Variants in PCCA observed in about 807,000 individuals in gnomAD.
The protein encoded by PCCA is propionyl-CoA carboxylase alpha chain, mitochondrial.
A neutral mutation model predicts 101.3 loss-of-function variants in PCCA; 74 were observed. That is an observed-to-expected ratio of 0.73 (90% CI 0.61 to 0.89). PCCA has a LOEUF of 0.89. PCCA is among the 40% of genes least tolerant of loss of function. The pLI, the probability that PCCA is intolerant of heterozygous loss-of-function variation, is 0.00. For synonymous variants in PCCA, 294 were observed against 313.6 expected (o/e 0.94, Z 0.66); for missense variants, 891 against 907.0 (o/e 0.98, Z 0.23).
chr13:100,396,321 T>G (rs1051449456), intron 19 of PCCA, among the ~76,000 whole-genome samples: 1 of 152,228 alleles, frequency 6.6e-6, no homozygotes, highest in Non-Finnish European at 1.5e-5. Flanking sequence ...TTTCCTTATC[T>G]GTAGAATAGG....
In PCCA at chr13:100,363,360, C is replaced by CT. The variant is rs796605594; in HGVS notation, c.1644-5102dup. 1.8e-3 allele frequency among the ~76,000 whole-genome samples: 264 copies of CT among 148,752 alleles called. 1 individual carries two copies. The highest frequency in any genetic ancestry group is 3.6e-3 in the Admixed American group (54 of 14,820). The stretch of plus-strand genomic sequence containing the variant: ...CCATCTGTCTAAACATCTCTCTCTC[C>CT]TTTTTTTTTTCTGATCATTTCCTCG... On this transcript the variant is annotated intron_variant, in intron 18 of 23. Coordinates refer to ENST00000376285, the MANE Select transcript of PCCA (RefSeq NM_000282.4).
chr13:100,141,248 T>C (rs550059516), intron 4 of PCCA, among the ~76,000 whole-genome samples: 1 of 152,230 alleles, frequency 6.6e-6, no homozygotes, highest in African/African-American at 2.4e-5. Flanking sequence ...CTCACAGATT[T>C]CTATACTGGC....
rs36098330 is a variant in PCCA, at chr13:100,292,934, C to CGTGTGTGTGTGTGTGTGT, written c.1066-8517_1066-8500dup. 4.9e-3 allele frequency among the ~76,000 whole-genome samples: 718 copies of CGTGTGTGTGTGTGTGTGT among 147,664 alleles called. 1 individual carries two copies. The highest frequency in any genetic ancestry group is 0.015 in the East Asian group (74 of 5,006). On this transcript the variant is annotated intron_variant, in intron 12 of 23. Coordinates refer to ENST00000376285, the MANE Select transcript of PCCA (RefSeq NM_000282.4). The stretch of plus-strand genomic sequence containing the variant: ...GACCCTGAATACACCTTTCCAAATT[C>CGTGTGTGTGTGTGTGTGT]GTGTGTGTGTGTGTGTGTGTGTGTG...
chr13:100,388,129 A>C (rs1015478964), intron 19 of PCCA, among the ~76,000 whole-genome samples: 3 of 152,232 alleles, frequency 2.0e-5, no homozygotes, highest in Admixed American at 2.0e-4. Context: ...ATAGTAGTCA[A>C]GGAGCCTATT....
At chr13:100,422,114 C>CTTCCTTTCT (rs2078848675) in intron 19 of PCCA, among the ~76,000 whole-genome samples, 2 of 105,008 alleles carry the variant, frequency 1.9e-5, no homozygotes, top group Non-Finnish European at 2.0e-5. Flanking sequence ...TTCTTTCTTT[C>CTTCCTTTCT]TTTCTTTTCT....
rs529010626 is a variant in PCCA, at chr13:100,350,553, T to A, written c.1643+10294T>A. On this transcript the variant is annotated intron_variant, in intron 18 of 23. Coordinates refer to ENST00000376285, the MANE Select transcript of PCCA (RefSeq NM_000282.4). ...TTACTTAATATGACTGTGTTGAAGA[T>A]GGTTTAGAAATCTATGTGAGATTAA... Among the ~76,000 whole-genome samples, 54 of 152,332 alleles carry A rather than the reference T, an allele frequency of 3.5e-4. 1 individual carries two copies. The highest frequency in any genetic ancestry group is 1.2e-3 in the African/African-American group (49 of 41,582).
chr13:100,405,897 G>C (rs967548936), intron 19 of PCCA, among the ~76,000 whole-genome samples: 2 of 150,928 alleles, frequency 1.3e-5, no homozygotes, highest in Non-Finnish European at 2.9e-5. Context: ...CTCCCGAGTA[G>C]CTGGAATTAA....
chr13:100,382,331 C>T (rs1244015198), intron 19 of PCCA, among the ~76,000 whole-genome samples: 1 of 152,152 alleles, frequency 6.6e-6, no homozygotes, highest in Non-Finnish European at 1.5e-5. Flanking sequence ...AGTCAAGTCC[C>T]TTCTCTCCAA....
intron 21 of PCCA, among the ~76,000 whole-genome samples, chr13:100,462,711 A>G (rs146846476): frequency 1.3e-5 from 2 of 152,276 alleles, no homozygotes; most frequent in Non-Finnish European, 2.9e-5. Context: ...TGAGCACAAA[A>G]CCTAGCATTT....
intron 19 of PCCA, among the ~76,000 whole-genome samples, chr13:100,407,280 C>G (rs2077743642): frequency 6.6e-6 from 1 of 152,208 alleles, no homozygotes; most frequent in Non-Finnish European, 1.5e-5. Context: ...CTGTTTACCT[C>G]TCTTTCTGGA....
At chr13:100,458,294 T>TACACACACACACACAC (rs57961819) in intron 21 of PCCA, among the ~76,000 whole-genome samples, 3 of 86,480 alleles carry the variant, frequency 3.5e-5, no homozygotes, top group African/African-American at 5.0e-5. Flanking sequence ...ACCCCATCTC[T>TACACACACACACACAC]ACACACACAC....
intron 8 of PCCA, among the ~76,000 whole-genome samples, chr13:100,257,005 CG>C (rs370976007): frequency 3.9e-4 from 59 of 152,200 alleles, no homozygotes; most frequent in African/African-American, 1.4e-3. Context: ...TGTTAATGTA[CG>C]GAACAGTGGA....
chr13:100,449,835 A>G (rs1299361502), intron 21 of PCCA, among the ~76,000 whole-genome samples: 1 of 152,086 alleles, frequency 6.6e-6, no homozygotes, highest in Non-Finnish European at 1.5e-5. Context: ...TGTATGATAT[A>G]TTTTCTCCCA....
At chr13:100,390,876 C>T (rs1022073119) in intron 19 of PCCA, among the ~76,000 whole-genome samples, 2 of 152,034 alleles carry the variant, frequency 1.3e-5, no homozygotes, top group African/African-American at 4.8e-5. Flanking sequence ...AAGGCATGGT[C>T]GTTAAGAGTG....
At chr13:100,140,241 G>A (rs2051704579) in intron 4 of PCCA, among the ~76,000 whole-genome samples, 1 of 152,150 alleles carries the variant, frequency 6.6e-6, no homozygotes, top group Non-Finnish European at 1.5e-5. Flanking sequence ...CGTGTAAAGA[G>A]CACAGAGAGA....
chr13:100,199,134 A>ATGTT (rs2152460416), intron 6 of PCCA, among the ~76,000 whole-genome samples: 1 of 152,272 alleles, frequency 6.6e-6, no homozygotes, highest in African/African-American at 2.4e-5. Flanking sequence ...CTATGGCTTA[A>ATGTT]TGAACTATTA....
At chr13:100,464,049 C>T (rs2082345224) in intron 21 of PCCA, among the ~76,000 whole-genome samples, 1 of 152,176 alleles carries the variant, frequency 6.6e-6, no homozygotes, top group Admixed American at 6.5e-5. Flanking sequence ...TGTCAGCTTA[C>T]TTGATTCCAT....
intron 6 of PCCA, among the ~76,000 whole-genome samples, chr13:100,206,156 A>G (rs1025248125): frequency 7.2e-5 from 11 of 152,160 alleles, no homozygotes; most frequent in Non-Finnish European, 1.6e-4. Context: ...TAGGGCTGAA[A>G]GGGTTTCTTG....
At chr13:100,134,530 T>C (rs1566547811) in intron 4 of PCCA, among the ~76,000 whole-genome samples, 2 of 152,200 alleles carry the variant, frequency 1.3e-5, no homozygotes, top group African/African-American at 2.4e-5. Flanking sequence ...GAACATGGCA[T>C]GTCTCTTAAT....
Sources: gnomAD v4.1 joint callset for allele counts (sites outside exome capture counted in the v4.1 genomes callset) on GRCh38, gnomAD v4.1.1 for gene constraint, MANE v1.5 for transcripts, NCBI Gene and HGNC (gene_info 2026-07-23, HGNC 2026-07-21) for gene names.